The following HDAC5 variants were observed in gnomAD, a reference collection of about 807,000 sequenced individuals.
The protein encoded by HDAC5 is antigen NY-CO-9.
A neutral mutation model predicts 133.3 loss-of-function variants in HDAC5; 25 were observed. The ratio of observed to expected loss-of-function variants is 0.19; its 90% CI spans 0.14 to 0.26. HDAC5 has a LOEUF of 0.26. HDAC5 is among the 10% of genes least tolerant of loss of function. HDAC5 has a pLI of 1.00. For synonymous variants in HDAC5, 589 were observed against 610.8 expected (o/e 0.96, Z 0.53); for missense variants, 1,041 against 1,460.5 (o/e 0.71, Z 4.68).
chr17:44,093,785 AC>A lies in HDAC5; in HGVS notation c.143del (p.Gly48ValfsTer58). 2 of 1,558,458 alleles carry A rather than the reference AC, an allele frequency of 1.3e-6. No homozygotes were observed. Among genetic ancestry groups the A allele is most frequent in the South Asian group, 1.2e-5 (1 of 83,278 alleles). ...LPRAMPSSMG[G>X]GGGGSPSPVE... ...CAGGGCTGGGGCTGCCTCCACCCCCACCCCCCATGGAACTGGGCATGGCTCT... is the reference window on the plus strand; with the variant it reads ...CAGGGCTGGGGCTGCCTCCACCCCCACCCCCATGGAACTGGGCATGGCTCT... On this transcript the variant is annotated frameshift_variant, in exon 4 of 27. Transcript: ENST00000682912. LOFTEE classifies it high-confidence loss of function.
intron 2 of HDAC5, among the ~76,000 whole-genome samples, chr17:44,111,956 A>G (rs1294455895): frequency 1.3e-5 from 2 of 152,202 alleles, no homozygotes; most frequent in Non-Finnish European, 2.9e-5. Context: ...TGCCAGGTGC[A>G]GTGCTACGAA....
At chr17:44,090,969 G>A (rs2050916905) in intron 11 of HDAC5, among the ~76,000 whole-genome samples, 2 of 152,234 alleles carry the variant, frequency 1.3e-5, no homozygotes, top group South Asian at 2.1e-4. Context: ...GATTTCAGGC[G>A]TGATCCACCG....
intron 3 of HDAC5, among the ~76,000 whole-genome samples, chr17:44,110,362 T>C (rs149019305): frequency 1.2e-3 from 177 of 152,310 alleles, no homozygotes; most frequent in Admixed American, 2.9e-3. Context: ...TTGCCCAAAC[T>C]TGGGGAGCGG....
intron 20 of HDAC5, chr17:44,081,783 G>A (rs774049397): frequency 6.6e-6 from 1 of 151,928 alleles, no homozygotes; most frequent in African/African-American, 2.4e-5. Flanking sequence ...GTTTCACCAT[G>A]TTGGCCATCC....
chr17:44,100,084 C>A (rs574404892), intron 3 of HDAC5, among the ~76,000 whole-genome samples: 1 of 152,266 alleles, frequency 6.6e-6, no homozygotes, highest in East Asian at 1.9e-4. Context: ...GGTGTCCAGG[C>A]AAAGAGACAC....
intron 1 of HDAC5, chr17:44,120,361 C>T (rs1394500795): frequency 6.6e-6 from 1 of 152,210 alleles, no homozygotes; most frequent in African/African-American, 2.4e-5. Flanking sequence ...AGGGTACCCC[C>T]TAGGTCATAG....
At chr17:44,103,207 C>CCGATGA (rs910662985) in intron 3 of HDAC5, among the ~76,000 whole-genome samples, 4 of 152,168 alleles carry the variant, frequency 2.6e-5, no homozygotes, top group African/African-American at 7.2e-5. Flanking sequence ...CGCTGTGACA[C>CCGATGA]CGATGACCCC....
chr17:44,099,576 G>A (rs1306847925), intron 3 of HDAC5, among the ~76,000 whole-genome samples: 4 of 151,780 alleles, frequency 2.6e-5, no homozygotes, highest in African/African-American at 4.8e-5. Flanking sequence ...CCAGGTTCAC[G>A]CCATTCTCCT....
Position 44,092,406 on chromosome 17 carries a change from A to G in HDAC5, c.894T>C (p.Val298=). 1 of 1,612,960 alleles carries G rather than the reference A, an allele frequency of 6.2e-7. No homozygotes were observed. The highest frequency in any genetic ancestry group is 1.3e-5 in the African/African-American group (1 of 75,010). The part of the protein sequence containing the change: ...TVISTFKKRA[V]EITGAGPGAS... ...CCCCAGGCCCGGCACCTGTGATCTC[A>G]ACAGCTCTCTTCTTAAAGGTGCTAA... Residue 298 remains valine, a synonymous_variant, in exon 8 of 27, where the codon GTT becomes GTC. Transcript: ENST00000682912.
intron 2 of HDAC5, chr17:44,111,504 G>A: frequency 2.1e-6 from 1 of 465,776 alleles, no homozygotes; most frequent in Non-Finnish European, 4.3e-6. Flanking sequence ...GAGCGGCTCT[G>A]GCTGCTACTC....
chr17:44,079,332 T>C (rs2050268033), intron 23 of HDAC5, 55 bp from the exon 24 acceptor site: 1 of 1,571,316 alleles, frequency 6.4e-7, no homozygotes, highest in Non-Finnish European at 8.7e-7. Context: ...ATCAATCAAT[T>C]CAAGAGCCAG....
intron 1 of HDAC5, among the ~76,000 whole-genome samples, chr17:44,122,363 C>A (rs759002845): frequency 1.3e-5 from 2 of 152,054 alleles, no homozygotes; most frequent in Non-Finnish European, 2.9e-5. Context: ...CTCACCCTCC[C>A]CCCCACCTCC....
intron 18 of HDAC5, 23 bp from the exon 19 acceptor site, chr17:44,082,843 G>C (rs1476999293): frequency 6.4e-7 from 1 of 1,551,534 alleles, no homozygotes; most frequent in Admixed American, 2.0e-5. Flanking sequence ...AGGCAGAGGT[G>C]AGGGGCAAGA....
chr17:44,092,904 G>A (rs1054877999), intron 6 of HDAC5, 98 bp from the exon 7 acceptor site: 3 of 659,594 alleles, frequency 4.5e-6, no homozygotes, highest in Non-Finnish European at 7.8e-6. Context: ...AAAATCGTTT[G>A]TATATAGGAA....
rs142529944 is a variant in HDAC5 at position 44,083,637 on chromosome 17, C to T, written c.2371G>A (p.Val791Met). Residue 791 changes from valine (V) to methionine (M), a missense_variant, in exon 18 of 27, where the codon GTG becomes ATG. Physicochemically the swap from Val to Met is conservative, Grantham distance 21. This residue lies in a region of HDAC5 where 174 missense variants were observed against 352.7 expected (regional missense o/e 0.49). Transcript: ENST00000682912. The stretch of plus-strand genomic sequence containing the variant: ...CTGGAGGAGTGCATCTCATTCCACA[C>T]GGTGTCACTGTCCACCTGCAGGGCA... ...CGGIGVDSDT[V>M]WNEMHSSSAV... 349 of 1,613,748 alleles carry T rather than the reference C, an allele frequency of 2.2e-4. 1 individual carries two copies. Among genetic ancestry groups the T allele is most frequent in the Non-Finnish European group, 2.6e-4 (305 of 1,179,792 alleles).
At chr17:44,114,609 G>C (rs549952436) in intron 2 of HDAC5, among the ~76,000 whole-genome samples, 1 of 152,304 alleles carries the variant, frequency 6.6e-6, no homozygotes, top group East Asian at 1.9e-4. Flanking sequence ...AGACTGGCTT[G>C]CACAGTGGGC....
intron 2 of HDAC5, among the ~76,000 whole-genome samples, chr17:44,115,300 G>A (rs1176530049): frequency 6.6e-6 from 1 of 152,214 alleles, no homozygotes; most frequent in Non-Finnish European, 1.5e-5. Flanking sequence ...CTCAGGGGCT[G>A]CAGCAGACCC....
At chr17:44,108,750 C>CCAAAAAAAAAA (rs1167836654) in intron 3 of HDAC5, among the ~76,000 whole-genome samples, 2 of 75,710 alleles carry the variant, frequency 2.6e-5, no homozygotes, top group African/African-American at 8.6e-5. Context: ...ATTCCAGAGT[C>CCAAAAAAAAAA]CAAAAAAAAA....
chr17:44,110,697 C>CA (rs1302941666), intron 3 of HDAC5, 32 bp downstream of exon 3: 3 of 1,579,954 alleles, frequency 1.9e-6, no homozygotes, highest in Non-Finnish European at 2.6e-6. Flanking sequence ...TGCCAGATGA[C>CA]AGAGGGCAGG....
Sources: allele counts gnomAD v4.1 joint callset (sites outside exome capture counted in the v4.1 genomes callset), GRCh38; gene constraint gnomAD v4.1.1; regional missense constraint gnomAD v4.1.1; transcripts MANE v1.5; gene names NCBI Gene and HGNC (gene_info 2026-07-23, HGNC 2026-07-21).